Variants in NALF1 observed in about 807,000 individuals in gnomAD.
NALF1 encodes the protein NALCN channel auxiliary factor 1, also known as family with sequence similarity 155 member A.
NALF1 carries 3 observed loss-of-function variants against 48.4 expected under a neutral mutation model. The observed-to-expected ratio is 0.06, with a 90% CI of 0.03 to 0.16. NALF1 has a LOEUF of 0.16. Among genes scored for constraint, NALF1 ranks in the 10% least tolerant of loss-of-function variants. The probability of loss-of-function intolerance (pLI) is 1.00; values close to 1 mark genes in which losing one functional copy is unlikely to be tolerated. For missense variants in NALF1, 526 were observed against 571.5 expected (o/e 0.92, Z 0.81); for synonymous variants, 262 against 245.7 (o/e 1.07, Z -0.62).
chr13:107,204,751 C>T (rs561981706), intron 2 of NALF1, among the ~76,000 whole-genome samples: 1 of 152,110 alleles, frequency 6.6e-6, no homozygotes, highest in South Asian at 2.1e-4. Context: ...ATCTCCCTTC[C>T]CGTTTCTTTT....
At position 107,419,241 on chromosome 13, in the gene NALF1, T is replaced by G. The variant is rs149568938; in HGVS notation, c.916-208486A>C. On this transcript the variant is annotated intron_variant, in intron 1 of 2. Coordinates refer to ENST00000375915, the MANE Select transcript of NALF1 (RefSeq NM_001080396.3). ...TTCCTCAATTAAAATTGGATCAGAT[T>G]AAAACAAAGGTAGGTTTTTCCCCAA... 4.3e-3 allele frequency among the ~76,000 whole-genome samples: 654 copies of G among 152,354 alleles called. 7 individuals carry two copies. Among genetic ancestry groups the G allele is most frequent in the Middle Eastern group, 0.01 (3 of 294 alleles).
intron 1 of NALF1, among the ~76,000 whole-genome samples, chr13:107,331,653 C>T (rs939935547): frequency 1.3e-5 from 2 of 152,242 alleles, no homozygotes; most frequent in South Asian, 2.1e-4. Flanking sequence ...TCATTCTAAT[C>T]TGTTTTCTCT....
chr13:107,391,788 A>T (rs1883631983), intron 1 of NALF1, among the ~76,000 whole-genome samples: 1 of 152,154 alleles, frequency 6.6e-6, no homozygotes, highest in African/African-American at 2.4e-5. Flanking sequence ...CACCTTTCTG[A>T]ATCAAACCAA....
chr13:107,595,189 A>T (rs1878707482), intron 1 of NALF1, among the ~76,000 whole-genome samples: 1 of 152,062 alleles, frequency 6.6e-6, no homozygotes, highest in African/African-American at 2.4e-5. Flanking sequence ...AACACTTTCA[A>T]CCTAGTCATT....
intron 1 of NALF1, among the ~76,000 whole-genome samples, chr13:107,282,304 G>T (rs1405195130): frequency 1.3e-5 from 2 of 152,298 alleles, no homozygotes; most frequent in East Asian, 3.9e-4. Context: ...TGCTTGCTAT[G>T]AATGTTATCC....
At chr13:107,844,171 A>G (rs1258865799) in intron 1 of NALF1, among the ~76,000 whole-genome samples, 1 of 152,124 alleles carries the variant, frequency 6.6e-6, no homozygotes, top group African/African-American at 2.4e-5. Flanking sequence ...TCCCTTTCCT[A>G]ATGTTTATTA....
intron 1 of NALF1, among the ~76,000 whole-genome samples, chr13:107,668,552 CTTTG>C (rs1217305861): frequency 3.3e-5 from 5 of 151,936 alleles, no homozygotes; most frequent in East Asian, 1.9e-4. Context: ...GTAAATCTTC[CTTTG>C]TTTGTTTCAA....
At chr13:107,257,411 T>C (rs771118017) in intron 1 of NALF1, among the ~76,000 whole-genome samples, 7 of 152,174 alleles carry the variant, frequency 4.6e-5, no homozygotes, top group Admixed American at 2.6e-4. Context: ...ATCTAACATA[T>C]TCTTAATATT....
intron 1 of NALF1, among the ~76,000 whole-genome samples, chr13:107,434,320 A>T (rs1361534095): frequency 6.6e-6 from 1 of 152,168 alleles, no homozygotes; most frequent in African/African-American, 2.4e-5. Context: ...GACACATAAG[A>T]AGTTAATGCT....
intron 1 of NALF1, among the ~76,000 whole-genome samples, chr13:107,809,851 T>C (rs780560775): frequency 6.6e-6 from 1 of 152,102 alleles, no homozygotes; most frequent in Non-Finnish European, 1.5e-5. Flanking sequence ...CTTTTTCTTT[T>C]ATCCTCATTT....
intron 1 of NALF1, among the ~76,000 whole-genome samples, chr13:107,228,448 A>G (rs1234557111): frequency 6.6e-6 from 1 of 152,218 alleles, no homozygotes; most frequent in African/African-American, 2.4e-5. Context: ...TAGAAGTTCA[A>G]TGTAAACCTC....
At chr13:107,247,741 T>A (rs1880612427) in intron 1 of NALF1, among the ~76,000 whole-genome samples, 1 of 152,182 alleles carries the variant, frequency 6.6e-6, no homozygotes, top group African/African-American at 2.4e-5. Flanking sequence ...GAGATTAGGA[T>A]AGTAGAAGGG....
chr13:107,345,180 C>A (rs188425179), intron 1 of NALF1, among the ~76,000 whole-genome samples: 44 of 152,086 alleles, frequency 2.9e-4, no homozygotes, highest in Middle Eastern at 3.4e-3. Context: ...AAATGAAAAA[C>A]CATCCTTTGT....
intron 1 of NALF1, among the ~76,000 whole-genome samples, chr13:107,641,793 C>T (rs1305357729): frequency 6.6e-6 from 1 of 152,100 alleles, no homozygotes; most frequent in African/African-American, 2.4e-5. Flanking sequence ...CAGGAGCAAG[C>T]GAGATCAAGA....
At chr13:107,756,454 T>TATATATATATATATAA (rs1555323666) in intron 1 of NALF1, among the ~76,000 whole-genome samples, 2 of 150,828 alleles carry the variant, frequency 1.3e-5, no homozygotes, top group African/African-American at 4.9e-5. Flanking sequence ...TATATATATA[T>TATATATATATATATAA]AAAGCATAAA....
intron 1 of NALF1, among the ~76,000 whole-genome samples, chr13:107,433,100 GT>G (rs1333575625): frequency 6.6e-6 from 1 of 151,874 alleles, no homozygotes; most frequent in African/African-American, 2.4e-5. Context: ...TTATCTTGTT[GT>G]TTTTGTCACA....
chr13:107,371,794 A>G (rs1883252673), intron 1 of NALF1, among the ~76,000 whole-genome samples: 1 of 152,250 alleles, frequency 6.6e-6, no homozygotes, highest in Admixed American at 6.5e-5. Context: ...TCAGGTAGAA[A>G]TGGCAAAAGT....
intron 1 of NALF1, among the ~76,000 whole-genome samples, chr13:107,369,151 G>A (rs991739738): frequency 1.3e-5 from 2 of 152,132 alleles, no homozygotes; most frequent in African/African-American, 4.8e-5. Context: ...TACTCTATCA[G>A]AGTATGTATC....
At chr13:107,835,436 A>G (rs1879861735) in intron 1 of NALF1, 1 of 151,798 alleles carries the variant, frequency 6.6e-6, no homozygotes. Context: ...TCTACCAGCC[A>G]CTCCTCTGAA....
Sources: allele counts gnomAD v4.1 joint callset (sites outside exome capture counted in the v4.1 genomes callset), GRCh38; gene constraint gnomAD v4.1.1; transcripts MANE v1.5; gene names NCBI Gene and HGNC (gene_info 2026-07-23, HGNC 2026-07-21).